KLHL1: variants seen among roughly 807,000 people sequenced by gnomAD.
The protein encoded by KLHL1 is kelch like family member 1.
In KLHL1, 47 loss-of-function variants were observed where a neutral mutation model predicts 77.7. The observed-to-expected ratio is 0.60, with a 90% CI of 0.48 to 0.77. KLHL1 has a LOEUF of 0.77. Ranked by LOEUF, KLHL1 falls within the 30% of genes least tolerant of loss-of-function variation. The pLI, the probability that KLHL1 is intolerant of heterozygous loss-of-function variation, is 0.00. For missense variants in KLHL1, 925 were observed against 910.8 expected, an observed-to-expected ratio of 1.02 and a Z score of -0.20; for synonymous variants, 360 against 325.2, an observed-to-expected ratio of 1.11 and a Z score of -1.15.
intron 7 of KLHL1, among the ~76,000 whole-genome samples, chr13:69,792,587 C>CA (rs113329313): frequency 0.37 from 56,075 of 151,836 alleles, 10,735 homozygotes; most frequent in African/African-American, 0.47. Flanking sequence ...TATGTTCAAA[C>CA]AAAAGGCATA....
chr13:69,893,018 A>G (rs1407089696), intron 4 of KLHL1, among the ~76,000 whole-genome samples: 1 of 152,212 alleles, frequency 6.6e-6, no homozygotes, highest in Non-Finnish European at 1.5e-5. Flanking sequence ...TTTAAAAATC[A>G]CAAGACTATA....
chr13:69,982,096 G>A lies in KLHL1; in HGVS notation c.498-6294C>T, dbSNP rs997616646. Among the ~76,000 whole-genome samples the A allele has an allele frequency of 2.0e-5, 3 of 152,060 alleles. No individual in the cohort carries two copies. The East Asian group carries it at 5.8e-4, about 29-fold the overall frequency. ...GTTTAAAATAACTTGTTATTATAAG[G>A]TGTATTTTGTAACCCTTATAGTAAC... is the stretch of plus-strand genomic sequence containing the variant. On this transcript the variant is annotated intron_variant, in intron 1 of 10. Transcript: ENST00000377844.
At chr13:69,863,011 TTTACTC>T (rs1880233017) in intron 5 of KLHL1, among the ~76,000 whole-genome samples, 3 of 152,172 alleles carry the variant, frequency 2.0e-5, no homozygotes, top group Admixed American at 6.6e-5. Context: ...AAATTTATCT[TTTACTC>T]TATGTGTATT....
At chr13:70,082,313 A>T (rs767726445) in intron 1 of KLHL1, among the ~76,000 whole-genome samples, 162 of 3,796 alleles carry the variant, frequency 0.043, 2 homozygotes, top group African/African-American at 0.067. Context: ...TGGACCTGTC[A>T]CACACACACA....
chr13:69,728,194 C>T (rs753852737), intron 8 of KLHL1, among the ~76,000 whole-genome samples: 2 of 151,598 alleles, frequency 1.3e-5, no homozygotes, highest in African/African-American at 2.4e-5. Flanking sequence ...ATTTGGGGTG[C>T]CACCTTTGAG....
At chr13:69,716,448 T>C (rs957557185) in intron 9 of KLHL1, among the ~76,000 whole-genome samples, 3 of 152,170 alleles carry the variant, frequency 2.0e-5, no homozygotes, top group African/African-American at 7.2e-5. Context: ...ATAATGTTAA[T>C]AATTGGTACA....
chr13:69,867,762 A>T (rs1288747587), intron 5 of KLHL1, among the ~76,000 whole-genome samples: 1 of 151,106 alleles, frequency 6.6e-6, no homozygotes, highest in Non-Finnish European at 1.5e-5. Flanking sequence ...TAATAAAGAA[A>T]AAAGCATATG....
intron 1 of KLHL1, among the ~76,000 whole-genome samples, chr13:70,064,246 A>G (rs992059739): frequency 6.6e-6 from 1 of 152,120 alleles, no homozygotes; most frequent in African/African-American, 2.4e-5. Flanking sequence ...ATAAAACACC[A>G]TTTGCCCTCA....
chr13:70,038,108 C>T (rs917460324), intron 1 of KLHL1, among the ~76,000 whole-genome samples: 5 of 152,182 alleles, frequency 3.3e-5, no homozygotes, highest in Admixed American at 2.6e-4. Flanking sequence ...TGTTTTCCAT[C>T]TTCACGTTTA....
chr13:70,085,175 A>T (rs1887503549), intron 1 of KLHL1, among the ~76,000 whole-genome samples: 1 of 152,184 alleles, frequency 6.6e-6, no homozygotes. Context: ...TGAAAAAGAG[A>T]CAGCAATACA....
At chr13:70,013,596 A>AT (rs566602427) in intron 1 of KLHL1, among the ~76,000 whole-genome samples, 19 of 151,636 alleles carry the variant, frequency 1.3e-4, no homozygotes, top group South Asian at 2.1e-4. Flanking sequence ...TTAATAGTTA[A>AT]TTTTTTTTTC....
At chr13:69,915,883 A>T (rs1648141469) in intron 4 of KLHL1, among the ~76,000 whole-genome samples, 1 of 152,150 alleles carries the variant, frequency 6.6e-6, no homozygotes, top group Non-Finnish European at 1.5e-5. Flanking sequence ...CAATGAACTC[A>T]AACAAATTTA....
chr13:69,935,172 T>C (rs1038483160), intron 4 of KLHL1, among the ~76,000 whole-genome samples: 1 of 146,356 alleles, frequency 6.8e-6, no homozygotes, highest in Non-Finnish European at 1.5e-5. Context: ...TTGCATTTCC[T>C]GTGCCACCTA....
chr13:69,960,110 CTTTTT>C (rs58284665), intron 3 of KLHL1, among the ~76,000 whole-genome samples: 3 of 124,236 alleles, frequency 2.4e-5, no homozygotes, highest in African/African-American at 9.2e-5. Flanking sequence ...AGCATGTGTA[CTTTTT>C]TTTTTTTTTT....
intron 4 of KLHL1, among the ~76,000 whole-genome samples, chr13:69,897,337 TG>T (rs1046992232): frequency 6.6e-6 from 1 of 152,146 alleles, no homozygotes; most frequent in African/African-American, 2.4e-5. Flanking sequence ...TTAAAATTTT[TG>T]GACACCCCAA....
intron 5 of KLHL1, among the ~76,000 whole-genome samples, chr13:69,850,112 G>A (rs1250889561): frequency 6.6e-6 from 1 of 151,348 alleles, no homozygotes; most frequent in Non-Finnish European, 1.5e-5. Context: ...GGACATCACT[G>A]CAAGGTGATT....
At chr13:69,917,297 G>A (rs145807810) in intron 4 of KLHL1, among the ~76,000 whole-genome samples, 299 of 151,988 alleles carry the variant, frequency 2.0e-3, no homozygotes, top group African/African-American at 6.7e-3. Context: ...CCTAAAAACT[G>A]AAACTAAAAT....
chr13:69,982,791 A>T (rs191838874), intron 1 of KLHL1, among the ~76,000 whole-genome samples: 3 of 152,074 alleles, frequency 2.0e-5, no homozygotes, highest in Non-Finnish European at 4.4e-5. Flanking sequence ...AAATACAAAG[A>T]GGGTCATTAT....
chr13:69,915,619 A>G (rs2138252836), intron 4 of KLHL1, among the ~76,000 whole-genome samples: 1 of 152,332 alleles, frequency 6.6e-6, no homozygotes, highest in Middle Eastern at 3.4e-3. Flanking sequence ...CTTAAATGTT[A>G]GAACTGAAAC....
Sources: allele counts gnomAD v4.1 joint callset (sites outside exome capture counted in the v4.1 genomes callset), GRCh38; gene constraint gnomAD v4.1.1; transcripts MANE v1.5; gene names NCBI Gene and HGNC (gene_info 2026-07-23, HGNC 2026-07-21).